The following SPOCK2 variants were observed in gnomAD, a reference collection of about 807,000 sequenced individuals.
The protein encoded by SPOCK2 is testican-2.
In SPOCK2, 39 loss-of-function variants were observed where a neutral mutation model predicts 60.1. That is an observed-to-expected ratio of 0.65 (90% CI 0.50 to 0.85). The LOEUF is 0.85. Among genes scored for constraint, SPOCK2 ranks in the 40% least tolerant of loss-of-function variants. The pLI is 0.00. For missense variants in SPOCK2, 523 were observed against 567.4 expected (o/e 0.92, Z 0.80); for synonymous variants, 217 against 231.5 (o/e 0.94, Z 0.57).
rs752705852 is a variant in SPOCK2, at chr10:72,070,401, G to A, written c.385C>T (p.His129Tyr). 6.2e-7 allele frequency: 1 copy of A among 1,614,180 alleles called. No individual in the cohort carries two copies. The highest frequency in any genetic ancestry group is 1.1e-5 in the South Asian group (1 of 91,082). Reference protein sequence around the residue: ...HRIKQPTVKLHGNKDSICKPC... With the variant: ...HRIKQPTVKLYGNKDSICKPC... ...TTGCAGATGGAGTCTTTGTTTCCATGGAGTTTCACGGTCGGCTGCTTGATC... is the reference window on the plus strand; with the variant it reads ...TTGCAGATGGAGTCTTTGTTTCCATAGAGTTTCACGGTCGGCTGCTTGATC... Residue 129 changes from histidine to tyrosine, a missense_variant, in exon 5 of 11, where the codon CAT (histidine) becomes TAT (tyrosine). By Grantham distance (83) the His-to-Tyr change is moderately conservative. Coordinates refer to ENST00000373109, the MANE Select transcript of SPOCK2 (RefSeq NM_001244950.2).
intron 1 of SPOCK2, among the ~76,000 whole-genome samples, chr10:72,076,681 A>C (rs1037714145): frequency 6.6e-6 from 1 of 152,192 alleles, no homozygotes; most frequent in African/African-American, 2.4e-5. Context: ...AGACTCCTAC[A>C]GTGCTGAGAT....
In SPOCK2 at chr10:72,087,498, T is replaced by C. The variant is rs556443815; in HGVS notation, c.189+642A>G. On this transcript the variant is annotated intron_variant, in intron 1 of 10. Transcript: ENST00000373109. This position sits in a 1 kb window ranked among gnomAD's most constrained non-coding sequence, Gnocchi z 4.7. ...GGTCCGGGAAAACCAGCCTGGGTCCTCGCGCGCCCTTCTGCACGGGGACCC... is the reference window on the plus strand; with the variant it reads ...GGTCCGGGAAAACCAGCCTGGGTCCCCGCGCGCCCTTCTGCACGGGGACCC... 6.6e-6 allele frequency among the ~76,000 whole-genome samples: 1 copy of C among 152,218 alleles called. No individual in the cohort carries two copies. Among genetic ancestry groups the C allele is most frequent in the Admixed American group, 6.5e-5 (1 of 15,304 alleles).
At chr10:72,088,110 G>C (rs1840888275) in intron 1 of SPOCK2, 30 bp downstream of exon 1, 1 of 1,608,078 alleles carries the variant, frequency 6.2e-7, no homozygotes, top group African/African-American at 1.3e-5. Context: ...GCAACCCCGG[G>C]TCTCTGCCTT....
Position 72,064,173 on chromosome 10 carries a change from C to T in SPOCK2, c.991+5G>A, listed in dbSNP as rs1840534697. 1 of 1,612,112 alleles carries T rather than the reference C, an allele frequency of 6.2e-7. No homozygotes were observed. On this transcript the variant is annotated splice_donor_5th_base_variant and intron_variant, in intron 9 of 10. Coordinates refer to ENST00000373109, the MANE Select transcript of SPOCK2 (RefSeq NM_001244950.2). The stretch of plus-strand genomic sequence containing the variant: ...CTCCTCTGAGAGCCTGGTCTGGCCC[C>T]TCACCTGGCTTCTTCTTGGCGGCCT...
At chr10:72,074,757 C>A (rs1840693183) in intron 1 of SPOCK2, among the ~76,000 whole-genome samples, 1 of 152,184 alleles carries the variant, frequency 6.6e-6, no homozygotes, top group Non-Finnish European at 1.5e-5. Context: ...CGTGAGAGCC[C>A]ACGGCGGCTC....
In SPOCK2 at chr10:72,062,717, C is replaced by T. The variant is rs372203724; in HGVS notation, c.*43G>A. The T allele has an allele frequency of 2.5e-6, 4 of 1,573,832 alleles. No individual in the cohort carries two copies. Among genetic ancestry groups the T allele is most frequent in the Non-Finnish European group, 2.6e-6 (3 of 1,168,382 alleles). On this transcript the variant is annotated 3_prime_UTR_variant, in exon 11 of 11. Coordinates refer to ENST00000373109, the MANE Select transcript of SPOCK2 (RefSeq NM_001244950.2). This position sits in a 1 kb window ranked among gnomAD's most constrained non-coding sequence, Gnocchi z 4.3. ...CGAAGTTGCCTGCTGCTGCTCAGAG[C>T]TCTGCTGTTGAGTCCCCCCCGGCAG...
At position 72,061,096 on chromosome 10, in the gene SPOCK2, G is replaced by GC. The variant is rs34682531; in HGVS notation, c.*1663dup. 1 of 152,828 alleles carries GC rather than the reference G, an allele frequency of 6.5e-6. No homozygotes were observed. Among genetic ancestry groups the GC allele is most frequent in the African/African-American group, 2.4e-5 (1 of 41,452 alleles). The allele number at this position is 152,828 out of a possible 1,614,324, so 9.5% of individuals were successfully genotyped here. ...TCACCACGCACTGAAGGGCATCACA[G>GC]CCCCAAGTCTGGGTAAGAAATTCTC... On this transcript the variant is annotated 3_prime_UTR_variant, in exon 11 of 11. Transcript: ENST00000373109.
rs762973763 is a variant in SPOCK2 at position 72,072,212 on chromosome 10, G to C, written c.291C>G (p.Arg97=). The part of the protein sequence containing the change: ...KDPCQKVKCS[R]HKVCIAQGYQ... The stretch of plus-strand genomic sequence containing the variant: ...AGCCCTGGGCAATGCACACCTTGTG[G>C]CGGCTGCACTTCACCTTCTGGCAGG... The change falls in exon 4 of 11, where the codon CGC becomes CGG. Residue 97 remains arginine (R), a synonymous_variant. Transcript: ENST00000373109. 1 of 1,553,068 alleles carries C rather than the reference G, an allele frequency of 6.4e-7. No individual in the cohort carries two copies. The highest frequency in any genetic ancestry group is 8.7e-7 in the Non-Finnish European group (1 of 1,148,626).
intron 1 of SPOCK2, among the ~76,000 whole-genome samples, chr10:72,083,232 C>G (rs1406846806): frequency 6.6e-6 from 1 of 152,194 alleles, no homozygotes; most frequent in African/African-American, 2.4e-5. Flanking sequence ...TCCTTAAACC[C>G]AAAGACCTGC....
chr10:72,063,512 C>A (rs1437491286), intron 9 of SPOCK2, among the ~76,000 whole-genome samples: 1 of 152,204 alleles, frequency 6.6e-6, no homozygotes, highest in Admixed American at 6.5e-5. Context: ...CCCACAGTTC[C>A]GCCGGCCTGG....
At chr10:72,067,255 G>A in intron 7 of SPOCK2, 135 bp from the exon 8 acceptor site, 1 of 905,430 alleles carries the variant, frequency 1.1e-6, no homozygotes, top group Non-Finnish European at 1.6e-6. Context: ...CCATGGGATT[G>A]AGAAACTCGA....
intron 5 of SPOCK2, 43 bp downstream of exon 5, chr10:72,070,269 A>G (rs1489045382): frequency 1.9e-6 from 3 of 1,595,380 alleles, no homozygotes; most frequent in Non-Finnish European, 2.6e-6. Flanking sequence ...CTGTGGCCTC[A>G]GGTGACTCCA....
intron 1 of SPOCK2, among the ~76,000 whole-genome samples, chr10:72,074,313 C>T (rs922066973): frequency 3.9e-5 from 6 of 152,124 alleles, no homozygotes; most frequent in African/African-American, 7.2e-5. Context: ...GGGCCAGACC[C>T]GAGCAAGCAG....
At chr10:72,081,934 G>A (rs1429739155) in intron 1 of SPOCK2, among the ~76,000 whole-genome samples, 2 of 152,136 alleles carry the variant, frequency 1.3e-5, no homozygotes, top group Non-Finnish European at 2.9e-5. Context: ...ATGCCACAGT[G>A]CACACGTTTA....
intron 1 of SPOCK2, among the ~76,000 whole-genome samples, chr10:72,073,211 G>A (rs1172869072): frequency 6.6e-6 from 1 of 152,184 alleles, no homozygotes; most frequent in Non-Finnish European, 1.5e-5. Context: ...CCCACCACCA[G>A]GACAGATGTC....
rs768468812 is a variant in SPOCK2, at chr10:72,066,984, G to A, written c.846C>T (p.Ile282=). The A allele has an allele frequency of 1.9e-6, 3 of 1,614,216 alleles. No homozygotes were observed. The South Asian group carries it at 3.3e-5, about 18-fold the overall frequency. The change falls in exon 8 of 11, where the codon ATC becomes ATT. Residue 282 remains isoleucine (I), a synonymous_variant. Coordinates refer to ENST00000373109, the MANE Select transcript of SPOCK2 (RefSeq NM_001244950.2). ...TGTCACAGGAGTTGAAGAAGGGACG[G>A]ATGCAGACCTCGTACTTGTCCAGGT... ...AINLDKYEVC[I]RPFFNSCDTY... is the part of the protein sequence containing the mutation.
In SPOCK2 at chr10:72,062,616, CAT is replaced by C; in HGVS notation, c.*142_*143del. On this transcript the variant is annotated 3_prime_UTR_variant, in exon 11 of 11. Coordinates refer to ENST00000373109, the MANE Select transcript of SPOCK2 (RefSeq NM_001244950.2). This position sits in a 1 kb window ranked among gnomAD's most constrained non-coding sequence, Gnocchi z 4.3. ...CCGTCCCAGCCATCTGTGCCACACA[CAT>C]GCCATGCACACTCACACTCCCAGTC... The C allele has an allele frequency of 6.9e-7, 1 of 1,441,930 alleles. No individual in the cohort carries two copies. Among genetic ancestry groups the C allele is most frequent in the Non-Finnish European group, 9.3e-7 (1 of 1,079,748 alleles). 89.3% of individuals were successfully genotyped at this position (1,441,930 alleles called of 1,614,324 possible). A position where few individuals can be genotyped will look rare whatever the true frequency, so the allele number is the denominator to read the frequency against.
At chr10:72,085,580 A>C (rs978899041) in intron 1 of SPOCK2, among the ~76,000 whole-genome samples, 1 of 152,168 alleles carries the variant, frequency 6.6e-6, no homozygotes, top group Non-Finnish European at 1.5e-5. Context: ...CACCATGTGA[A>C]TGAGGCATTT....
In SPOCK2 at chr10:72,080,845, G is replaced by A. The variant is rs1042288286; in HGVS notation, c.189+7295C>T. Among the ~76,000 whole-genome samples the A allele has an allele frequency of 2.6e-5, 4 of 152,052 alleles. No homozygotes were observed. The South Asian group carries it at 8.3e-4, about 32-fold the overall frequency. Reference sequence around the variant, plus strand: ...TGGGCCTGGGCTCAGGTATGCCTGCGCCAACACCCACCTGCTGCCCGGGCC... The same window carrying A: ...TGGGCCTGGGCTCAGGTATGCCTGCACCAACACCCACCTGCTGCCCGGGCC... On this transcript the variant is annotated intron_variant, in intron 1 of 10. Transcript: ENST00000373109.
Sources: gnomAD v4.1 joint callset for allele counts (sites outside exome capture counted in the v4.1 genomes callset) on GRCh38, gnomAD v4.1.1 for gene constraint, Gnocchi (gnomAD v3.1) non-coding constraint, MANE v1.5 for transcripts, NCBI Gene and HGNC (gene_info 2026-07-23, HGNC 2026-07-21) for gene names.